Variants in CYFIP1 observed in about 807,000 individuals in gnomAD.
The protein encoded by CYFIP1 is cytoplasmic FMR1 interacting protein 1.
CYFIP1 carries 58 observed loss-of-function variants against 163.5 expected under a neutral mutation model. The observed-to-expected ratio is 0.35, with a 90% CI of 0.29 to 0.44. The LOEUF (loss-of-function observed/expected upper bound fraction) is 0.44. CYFIP1 is among the 20% of genes least tolerant of loss of function. The pLI is 1.00. For synonymous variants in CYFIP1, 663 were observed against 660.7 expected (o/e 1.00, Z -0.05); for missense variants, 1,338 against 1,653.8 (o/e 0.81, Z 3.31).
At position 22,944,890 on chromosome 15, in the gene CYFIP1, C is replaced by T; in HGVS notation, c.257G>A (p.Trp86Ter). 6 of 1,614,084 alleles carry T rather than the reference C, an allele frequency of 3.7e-6. No individual in the cohort carries two copies. The highest frequency in any genetic ancestry group is 5.1e-6 in the Non-Finnish European group (6 of 1,180,010). Residue 86 changes from tryptophan (W) to a stop codon, truncating the protein, a stop_gained, in exon 4 of 31, where the codon TGG becomes TAG. Coordinates refer to ENST00000617928, the MANE Select transcript of CYFIP1 (RefSeq NM_014608.6). LOFTEE classifies it high-confidence loss of function. The stretch of plus-strand genomic sequence containing the variant: ...TGGGATGGCCCGGGAGCAGCTCCTC[C>T]AGGTGTACAGCATGACAGCATATTC... ...GQEYAVMLYTWRSCSRAIPQV... is the reference protein window; with the variant it reads ...GQEYAVMLYT
chr15:22,980,716 T>A (rs2063457565), upstream of CYFIP1, among the ~76,000 whole-genome samples: 1 of 151,816 alleles, frequency 6.6e-6, no homozygotes, highest in Non-Finnish European at 1.5e-5. Context: ...GGGCGGGGGT[T>A]GGCCTGAGCT....
intron 1 of CYFIP1, among the ~76,000 whole-genome samples, chr15:22,952,740 T>C (rs2062301473): frequency 6.8e-6 from 1 of 147,394 alleles, no homozygotes; most frequent in Admixed American, 6.9e-5. Context: ...AATAGCAATG[T>C]TTGATGCTGA....
chr15:22,890,873 G>A (rs984478236), intron 23 of CYFIP1, among the ~76,000 whole-genome samples: 5 of 151,950 alleles, frequency 3.3e-5, no homozygotes, highest in African/African-American at 1.2e-4. Context: ...CCTCGAGAAC[G>A]CGGAGTGTGG....
chr15:22,909,984 T>G (rs772167965), intron 20 of CYFIP1, among the ~76,000 whole-genome samples: 1 of 151,708 alleles, frequency 6.6e-6, no homozygotes, highest in South Asian at 2.1e-4. Context: ...CTCCGGGCTA[T>G]GCCTGCCCCC....
chr15:22,964,745 G>A (rs952279136), intron 1 of CYFIP1, among the ~76,000 whole-genome samples: 10 of 152,150 alleles, frequency 6.6e-5, no homozygotes, highest in African/African-American at 1.9e-4. Context: ...TAGAGACGGC[G>A]AAATTGAGGG....
intron 22 of CYFIP1, among the ~76,000 whole-genome samples, chr15:22,902,213 C>A (rs941304785): frequency 6.6e-6 from 1 of 152,240 alleles, no homozygotes; most frequent in Non-Finnish European, 1.5e-5. Context: ...ACGAGTGCAG[C>A]TACCTGGGTG....
chr15:22,883,733 C>T (rs1566926263), intron 23 of CYFIP1, among the ~76,000 whole-genome samples: 3 of 147,386 alleles, frequency 2.0e-5, no homozygotes, highest in East Asian at 4.1e-4. Context: ...AGGAGAATGG[C>T]ATGAACCTGG....
At chr15:22,978,299 C>T (rs1158683503) in intron 1 of CYFIP1, among the ~76,000 whole-genome samples, 2 of 136,624 alleles carry the variant, frequency 1.5e-5, no homozygotes, top group Non-Finnish European at 3.0e-5. Context: ...TTGTGGCGAG[C>T]CGAGTTTGCG....
At chr15:22,960,133 C>T (rs1428149583) in intron 1 of CYFIP1, among the ~76,000 whole-genome samples, 1 of 152,206 alleles carries the variant, frequency 6.6e-6, no homozygotes, top group African/African-American at 2.4e-5. Flanking sequence ...AGCCCGTGGG[C>T]AGAGTGTCTC....
intron 22 of CYFIP1, among the ~76,000 whole-genome samples, chr15:22,899,412 C>T (rs148452412): frequency 2.0e-4 from 30 of 152,260 alleles, no homozygotes; most frequent in Non-Finnish European, 3.8e-4. Flanking sequence ...AATTATAACT[C>T]CCATAATTCC....
chr15:22,930,891 G>C (rs1372542915), intron 11 of CYFIP1, among the ~76,000 whole-genome samples: 1 of 152,304 alleles, frequency 6.6e-6, no homozygotes, highest in South Asian at 2.1e-4. Context: ...TAAGCACACA[G>C]TGTTCATAAA....
In CYFIP1 at chr15:22,869,984, G is replaced by A. The variant is rs775463420; in HGVS notation, c.*44C>T. 7.9e-6 allele frequency: 12 copies of A among 1,518,124 alleles called. No homozygotes were observed. In the East Asian group the frequency reaches 2.7e-4, roughly 34 times the overall value. 94.0% of individuals were successfully genotyped at this position (1,518,124 alleles called of 1,614,324 possible). On this transcript the variant is annotated 3_prime_UTR_variant, in exon 31 of 31. Transcript: ENST00000617928. The stretch of plus-strand genomic sequence containing the variant: ...AAAATCTCACTAAATAGTTTACGGA[G>A]AGAAAGGCATGCCATGTTGAGTTAC...
At chr15:22,937,847 CA>C (rs1180820929) in intron 8 of CYFIP1, among the ~76,000 whole-genome samples, 1 of 152,100 alleles carries the variant, frequency 6.6e-6, no homozygotes, top group African/African-American at 2.4e-5. Flanking sequence ...TCAAGTGATC[CA>C]CCCACCTCAA....
intron 22 of CYFIP1, among the ~76,000 whole-genome samples, chr15:22,894,863 T>A (rs181356088): frequency 0.046 from 6,230 of 134,496 alleles, 212 homozygotes; most frequent in East Asian, 0.14. Context: ...ATTATATATT[T>A]TATATATATA....
chr15:22,938,252 A>G (rs758286551), intron 8 of CYFIP1, among the ~76,000 whole-genome samples: 1 of 152,240 alleles, frequency 6.6e-6, no homozygotes, highest in Non-Finnish European at 1.5e-5. Context: ...ATTATGTGAC[A>G]CAAGGTATCA....
chr15:22,920,505 G>C (rs939219504), intron 13 of CYFIP1, among the ~76,000 whole-genome samples: 1 of 151,798 alleles, frequency 6.6e-6, no homozygotes, highest in South Asian at 2.1e-4. Flanking sequence ...AAATGAAGAC[G>C]TGTCTGACAA....
chr15:22,965,073 C>T (rs1171317443), intron 1 of CYFIP1, among the ~76,000 whole-genome samples: 1 of 147,048 alleles, frequency 6.8e-6, no homozygotes, highest in East Asian at 2.0e-4. Context: ...TGTGTGTGTA[C>T]ACATATATTA....
At position 22,917,037 on chromosome 15, in the gene CYFIP1, C is replaced by T. The variant is rs373021294; in HGVS notation, c.1675-407G>A. 917 of 1,532,962 alleles carry T rather than the reference C, an allele frequency of 6.0e-4. 8 individuals are homozygous for T. The Middle Eastern group carries it at 8.1e-3, about 14-fold the overall frequency. 95.0% of individuals were successfully genotyped at this position (1,532,962 alleles called of 1,614,324 possible). A position where few individuals can be genotyped will look rare whatever the true frequency, so the allele number is the denominator to read the frequency against. ...GGTGCGCACCAGGTAGAGCTAGACA[C>T]GGACAGACAGGAGGGAGAGGCAGGA... On this transcript the variant is annotated intron_variant, in intron 15 of 30. Coordinates refer to ENST00000617928, the MANE Select transcript of CYFIP1 (RefSeq NM_014608.6). The surrounding 1 kb of genome is among the most constrained non-coding windows in gnomAD (Gnocchi z 4.2).
At chr15:22,918,246 C>T (rs1318670479) in intron 14 of CYFIP1, among the ~76,000 whole-genome samples, 9 of 152,172 alleles carry the variant, frequency 5.9e-5, no homozygotes, top group African/African-American at 1.9e-4. Context: ...ACACAGCCTC[C>T]GCACGGAGCA....
Sources: gnomAD v4.1 joint callset for allele counts (sites outside exome capture counted in the v4.1 genomes callset) on GRCh38, gnomAD v4.1.1 for gene constraint, Gnocchi (gnomAD v3.1) non-coding constraint, MANE v1.5 for transcripts, NCBI Gene and HGNC (gene_info 2026-07-23, HGNC 2026-07-21) for gene names.